Variants in CENPP observed in about 807,000 individuals in gnomAD.
CENPP encodes the protein centromere protein P.
Under a neutral mutation model 35.6 loss-of-function variants are expected in CENPP, and 24 were observed. The observed-to-expected ratio is 0.67, with a 90% confidence interval of 0.49 to 0.95. The LOEUF (loss-of-function observed/expected upper bound fraction) is 0.95. Among genes scored for constraint, CENPP ranks in the 40% least tolerant of loss-of-function variants. The probability of loss-of-function intolerance (pLI) is 0.00; values close to 1 mark genes in which losing one functional copy is unlikely to be tolerated. For synonymous variants in CENPP, 120 were observed against 125.5 expected (o/e 0.96, Z 0.29); for missense variants, 332 against 345.3 (o/e 0.96, Z 0.31).
At chr9:92,389,943 T>G (rs1842601602) in intron 5 of CENPP, 2 of 1,612,828 alleles carry the variant, frequency 1.2e-6, no homozygotes, top group East Asian at 4.5e-5. Context: ...ACTGGAAGTT[T>G]TAGTAGTTGA....
chr9:92,454,457 A>G (rs1844813338), intron 5 of CENPP, among the ~76,000 whole-genome samples: 1 of 152,156 alleles, frequency 6.6e-6, no homozygotes, highest in African/African-American at 2.4e-5. Context: ...GGTTTTTTCA[A>G]TGTCAGTAAA....
intron 5 of CENPP, among the ~76,000 whole-genome samples, chr9:92,570,165 A>C (rs1382797676): frequency 1.3e-5 from 2 of 152,138 alleles, no homozygotes; most frequent in East Asian, 3.9e-4. Context: ...GCCAGTTTTC[A>C]AAGGGAGTGC....
intron 5 of CENPP, among the ~76,000 whole-genome samples, chr9:92,449,169 G>A (rs1211489616): frequency 1.3e-5 from 2 of 152,148 alleles, no homozygotes; most frequent in African/African-American, 4.8e-5. Flanking sequence ...CAGGCTGGGT[G>A]TGGTGGCTCA....
chr9:92,589,860 A>G (rs1588300170), intron 5 of CENPP, among the ~76,000 whole-genome samples: 1 of 152,200 alleles, frequency 6.6e-6, no homozygotes, highest in Non-Finnish European at 1.5e-5. Flanking sequence ...ATTGAAGATA[A>G]TCATATGTTC....
At chr9:92,391,137 C>T (rs930052335) in intron 5 of CENPP, among the ~76,000 whole-genome samples, 1 of 151,708 alleles carries the variant, frequency 6.6e-6, no homozygotes, top group Admixed American at 6.6e-5. Flanking sequence ...TGGCTCACAC[C>T]TGTAATCCCA....
intron 5 of CENPP, among the ~76,000 whole-genome samples, chr9:92,412,867 G>A (rs1164284241): frequency 1.3e-5 from 2 of 151,808 alleles, no homozygotes; most frequent in Admixed American, 6.6e-5. Context: ...CTACCTTGTG[G>A]ATAATGCTGC....
intron 5 of CENPP, among the ~76,000 whole-genome samples, chr9:92,480,935 T>C (rs1288665669): frequency 6.6e-6 from 1 of 152,234 alleles, no homozygotes; most frequent in Admixed American, 6.5e-5. Context: ...TGTTCATGGA[T>C]ACTGATAAAG....
At chr9:92,497,375 A>C (rs907025159) in intron 5 of CENPP, among the ~76,000 whole-genome samples, 1 of 152,242 alleles carries the variant, frequency 6.6e-6, no homozygotes, top group Non-Finnish European at 1.5e-5. Context: ...CTGTCATCCC[A>C]GCACTTTGGG....
intron 4 of CENPP, among the ~76,000 whole-genome samples, chr9:92,362,599 C>A (rs1390301124): frequency 6.6e-6 from 1 of 152,178 alleles, no homozygotes; most frequent in African/African-American, 2.4e-5. Flanking sequence ...TATATGATAA[C>A]TAATTTTTTC....
chr9:92,580,014 G>T (rs1850381544), intron 5 of CENPP, among the ~76,000 whole-genome samples: 1 of 149,730 alleles, frequency 6.7e-6, no homozygotes, highest in Non-Finnish European at 1.5e-5. Flanking sequence ...AGCATGAAGG[G>T]TTGTTGAATT....
intron 5 of CENPP, among the ~76,000 whole-genome samples, chr9:92,449,673 C>T (rs183993692): frequency 1.1e-3 from 160 of 151,964 alleles, no homozygotes; most frequent in African/African-American, 3.3e-3. Flanking sequence ...ATCATGGGGG[C>T]GGATTTTCCC....
At chr9:92,547,053 C>T (rs368564065) in intron 5 of CENPP, among the ~76,000 whole-genome samples, 2 of 152,044 alleles carry the variant, frequency 1.3e-5, no homozygotes, top group Non-Finnish European at 2.9e-5. Flanking sequence ...CAGACCAAAT[C>T]CAACAATATA....
In CENPP at chr9:92,396,991, C is replaced by T. The variant is rs1020609731; in HGVS notation, c.564+17132C>T. On this transcript the variant is annotated intron_variant, in intron 5 of 7. Transcript: ENST00000375587. The stretch of plus-strand genomic sequence containing the variant: ...AGGAGTTTGAGACCAACCTGGGCAA[C>T]ATGATGAAACCTCATCTCTACAAAA... Among the ~76,000 whole-genome samples the T allele has an allele frequency of 3.3e-5, 5 of 151,662 alleles. No homozygotes were observed. The East Asian group carries it at 5.9e-4, about 18-fold the overall frequency.
At chr9:92,547,491 G>A (rs1849495157) in intron 5 of CENPP, among the ~76,000 whole-genome samples, 1 of 152,216 alleles carries the variant, frequency 6.6e-6, no homozygotes, top group South Asian at 2.1e-4. Flanking sequence ...ATGTCATACT[G>A]ACACATGCTG....
chr9:92,524,796 G>A (rs1453086260), intron 5 of CENPP, among the ~76,000 whole-genome samples: 1 of 152,200 alleles, frequency 6.6e-6, no homozygotes, highest in Non-Finnish European at 1.5e-5. Flanking sequence ...GAAGGTTAAA[G>A]TAACTAACTT....
chr9:92,495,880 C>T (rs535557974), intron 5 of CENPP: 2 of 980,828 alleles, frequency 2.0e-6, no homozygotes, highest in South Asian at 9.4e-5. Context: ...TAATAAACAA[C>T]ACTTATTCAT....
intron 5 of CENPP, among the ~76,000 whole-genome samples, chr9:92,497,501 G>A (rs1170565359): frequency 6.6e-6 from 1 of 152,016 alleles, no homozygotes; most frequent in African/African-American, 2.4e-5. Context: ...GCGTATCCTT[G>A]TAATCCCAGC....
chr9:92,410,422 A>C (rs1843414836), intron 5 of CENPP, among the ~76,000 whole-genome samples: 1 of 152,160 alleles, frequency 6.6e-6, no homozygotes, highest in African/African-American at 2.4e-5. Context: ...GCTAATAAAC[A>C]GGAGGAGGTT....
At chr9:92,388,336 ATTT>A (rs1401203282) in intron 5 of CENPP, among the ~76,000 whole-genome samples, 2 of 149,588 alleles carry the variant, frequency 1.3e-5, no homozygotes, top group Non-Finnish European at 3.0e-5. Context: ...TAATTTTTGT[ATTT>A]TTAGTGGAGA....
Sources: allele counts gnomAD v4.1 joint callset (sites outside exome capture counted in the v4.1 genomes callset), GRCh38; gene constraint gnomAD v4.1.1; transcripts MANE v1.5; gene names NCBI Gene and HGNC (gene_info 2026-07-23, HGNC 2026-07-21).